ZNF831: variants seen among roughly 807,000 people sequenced by gnomAD.
ZNF831 encodes the protein zinc finger protein 831.
A neutral mutation model predicts 95.8 loss-of-function variants in ZNF831; 59 were observed. The ratio of observed to expected loss-of-function variants is 0.62; its 90% CI spans 0.50 to 0.77. The LOEUF (loss-of-function observed/expected upper bound fraction) is 0.77, where lower values mean the gene tolerates loss of function less well. ZNF831 is among the 30% of genes least tolerant of loss of function. ZNF831 has a pLI of 0.00. For synonymous variants in ZNF831, 961 were observed against 925.5 expected, an observed-to-expected ratio of 1.04 and a Z score of -0.70; for missense variants, 2,205 against 2,164.0, an observed-to-expected ratio of 1.02 and a Z score of -0.38.
At chr20:59,200,661 C>A (rs1055850495) in intron 3 of ZNF831, among the ~76,000 whole-genome samples, 5 of 152,152 alleles carry the variant, frequency 3.3e-5, no homozygotes, top group Non-Finnish European at 7.4e-5. Flanking sequence ...CCCCAGGTAA[C>A]CGCTGATGTG....
At chr20:59,138,304 C>A (rs1029676081) in intron 1 of ZNF831, among the ~76,000 whole-genome samples, 2 of 152,144 alleles carry the variant, frequency 1.3e-5, no homozygotes, top group Non-Finnish European at 2.9e-5. Context: ...TGGGGCATGA[C>A]TGGGCTTTAG....
chr20:59,153,042 T>C (rs1028888523), intron 2 of ZNF831, among the ~76,000 whole-genome samples: 80 of 152,170 alleles, frequency 5.3e-4, no homozygotes, highest in African/African-American at 1.8e-3. Context: ...GGGAGGAAAC[T>C]GGACTTTGGC....
At chr20:59,187,252 C>T (rs1601355732) in intron 1 of ZNF831, among the ~76,000 whole-genome samples, 1 of 152,182 alleles carries the variant, frequency 6.6e-6, no homozygotes, top group Non-Finnish European at 1.5e-5. Context: ...AAAATCCTCA[C>T]TCCCCATGTG....
intron 4 of ZNF831, among the ~76,000 whole-genome samples, chr20:59,242,860 C>T (rs1204614182): frequency 1.3e-5 from 2 of 152,160 alleles, no homozygotes; most frequent in East Asian, 1.9e-4. Flanking sequence ...GGCATTTTAG[C>T]GATTCCTCAG....
Position 59,202,789 on chromosome 20 carries a change from T to C in ZNF831, c.3876-4116T>C, listed in dbSNP as rs558444182. ...AATAGGAAGGTCATCCTCATCTGGT[T>C]TGGCAGATTCCTCAAAGTGAAAGCA... On this transcript the variant is annotated intron_variant, in intron 3 of 5. Transcript: ENST00000371030. 3.2e-4 allele frequency among the ~76,000 whole-genome samples: 49 copies of C among 152,342 alleles called. No homozygotes were observed. The South Asian group carries it at 9.7e-3, about 30-fold the overall frequency.
At chr20:59,214,779 G>T (rs944006570) in intron 4 of ZNF831, among the ~76,000 whole-genome samples, 3 of 152,228 alleles carry the variant, frequency 2.0e-5, no homozygotes, top group African/African-American at 7.2e-5. Context: ...TTCTGATGAG[G>T]TCACTGATCT....
Position 59,253,862 on chromosome 20 carries a change from C to CT in ZNF831, c.4189-36_4189-35insT. 16 of 1,070,930 alleles carry CT rather than the reference C, an allele frequency of 1.5e-5. 1 individual carries two copies. In the East Asian group the frequency reaches 1.8e-4, roughly 12 times the overall value. 66.3% of individuals were successfully genotyped at this position (1,070,930 alleles called of 1,614,324 possible). A position where few individuals can be genotyped will look rare whatever the true frequency, so the allele number is the denominator to read the frequency against. ...TTTTTCTTTGTACCAATTAACCTCC[C>CT]CCCCCACTTTTTTTTTCCTTTGCAC... On this transcript the variant is annotated intron_variant, in intron 5 of 5. Coordinates refer to ENST00000371030, the MANE Select transcript of ZNF831 (RefSeq NM_178457.3).
chr20:59,218,319 C>T (rs1319774817), intron 4 of ZNF831, among the ~76,000 whole-genome samples: 1 of 152,088 alleles, frequency 6.6e-6, no homozygotes, highest in Admixed American at 6.5e-5. Flanking sequence ...AAACAGATTC[C>T]CTGGTTATCT....
intron 2 of ZNF831, among the ~76,000 whole-genome samples, chr20:59,154,267 A>G (rs1980408830): frequency 6.6e-6 from 1 of 152,142 alleles, no homozygotes; most frequent in African/African-American, 2.4e-5. Context: ...TGCAGAGACT[A>G]AGTGCTTCTC....
Position 59,166,920 on chromosome 20 carries a change from T to A in ZNF831, c.-37+2713T>A, listed in dbSNP as rs187283155. Among the ~76,000 whole-genome samples the A allele has an allele frequency of 2.4e-4, 36 of 152,330 alleles. No individual in the cohort carries two copies. The East Asian group carries it at 6.6e-3, about 28-fold the overall frequency. On this transcript the variant is annotated intron_variant, in intron 1 of 5. Coordinates refer to ENST00000371030, the MANE Select transcript of ZNF831 (RefSeq NM_178457.3). ...GTACAAGCTTTTGTGTGAACGTAAG[T>A]TTTCATTGTGAAATAAATGCCCAGG...
rs371178819 is a variant in ZNF831, at chr20:59,194,724, C to A, written c.3705C>A (p.Ser1235Arg). Residue 1235 changes from serine (S) to arginine (R), a missense_variant, in exon 2 of 6, where the codon AGC (serine) becomes AGA (arginine). By Grantham distance (110) the Ser-to-Arg change is moderately radical. Transcript: ENST00000371030. The part of the protein sequence containing the change: ...PGSNGGWTWT[S>R]PGEGGPAQMS... The stretch of plus-strand genomic sequence containing the variant: ...GCAATGGAGGATGGACCTGGACAAG[C>A]CCTGGAGAAGGAGGGCCGGCGCAGA... The A allele has an allele frequency of 2.6e-5, 41 of 1,585,410 alleles. No homozygotes were observed. Among genetic ancestry groups the A allele is most frequent in the Non-Finnish European group, 3.4e-5 (40 of 1,168,078 alleles).
At position 59,172,062 on chromosome 20, in the gene ZNF831, G is replaced by C. The variant is rs138586447; in HGVS notation, c.-37+7855G>C. On this transcript the variant is annotated intron_variant, in intron 1 of 5. Coordinates refer to ENST00000371030, the MANE Select transcript of ZNF831 (RefSeq NM_178457.3). ...TGGCTTTCCCTTCAATCAAGGGCCT[G>C]TAGGTCTGCAAACTGCCTTAGTTCT... Among the ~76,000 whole-genome samples the C allele has an allele frequency of 4.6e-5, 7 of 152,286 alleles. No homozygotes were observed. The East Asian group carries it at 1.4e-3, about 29-fold the overall frequency.
chr20:59,249,896 G>A (rs1239462467), intron 4 of ZNF831, among the ~76,000 whole-genome samples: 1 of 151,874 alleles, frequency 6.6e-6, no homozygotes, highest in East Asian at 2.0e-4. Context: ...CTCACAAGGA[G>A]AAACGACTTG....
Position 59,194,167 on chromosome 20 carries a change from G to A in ZNF831, c.3148G>A (p.Glu1050Lys), listed in dbSNP as rs543089092. Residue 1050 changes from glutamate (E) to lysine (K), a missense_variant, in exon 2 of 6, where the codon GAG becomes AAG. Physicochemically the swap from Glu to Lys is moderately conservative, Grantham distance 56. Transcript: ENST00000371030. Reference protein sequence around the residue: ...LPISAPGAPREATSSPPTPTC... With the variant: ...LPISAPGAPRKATSSPPTPTC... ...CATCTCAGCACCAGGGGCTCCCAGG[G>A]AGGCTACCTCCTCCCCGCCCACTCC... 3.3e-5 allele frequency: 53 copies of A among 1,585,372 alleles called. No individual in the cohort carries two copies. In the South Asian group the frequency reaches 5.6e-4, roughly 17 times the overall value.
chr20:59,191,960 C>T lies in ZNF831; in HGVS notation c.941C>T (p.Ala314Val), dbSNP rs1261490865. ...QKSPTAGKPC[A>V]LQRQQATAAE... Reference sequence around the variant, plus strand: ...TCGCCGACCGCCGGGAAGCCGTGCGCCCTGCAGCGGCAGCAGGCGACGGCA... The same window carrying T: ...TCGCCGACCGCCGGGAAGCCGTGCGTCCTGCAGCGGCAGCAGGCGACGGCA... The change falls in exon 2 of 6, where the codon GCC becomes GTC. Residue 314 changes from alanine (A) to valine (V), a missense_variant. Physicochemically the swap from Ala to Val is moderately conservative, Grantham distance 64 (BLOSUM62 0). Coordinates refer to ENST00000371030, the MANE Select transcript of ZNF831 (RefSeq NM_178457.3). 5 of 1,607,514 alleles carry T rather than the reference C, an allele frequency of 3.1e-6. No homozygotes were observed. The highest frequency in any genetic ancestry group is 3.4e-6 in the Non-Finnish European group (4 of 1,177,632).
chr20:59,213,771 G>A (rs566177016), intron 4 of ZNF831, among the ~76,000 whole-genome samples: 7 of 152,114 alleles, frequency 4.6e-5, no homozygotes, highest in Non-Finnish European at 7.4e-5. Flanking sequence ...TGGAGTAACC[G>A]CAAAATTCAA....
chr20:59,166,853 C>A (rs1981310425), intron 1 of ZNF831, among the ~76,000 whole-genome samples: 1 of 152,168 alleles, frequency 6.6e-6, no homozygotes, highest in Non-Finnish European at 1.5e-5. Flanking sequence ...TGGGCTGATG[C>A]CAATTTTTGA....
At chr20:59,247,006 T>C (rs1987643995) in intron 4 of ZNF831, among the ~76,000 whole-genome samples, 1 of 152,216 alleles carries the variant, frequency 6.6e-6, no homozygotes, top group African/African-American at 2.4e-5. Context: ...TCTTCCATCA[T>C]TTTTAGCCAT....
rs763054444 is a variant in ZNF831, at chr20:59,192,358, A to G, written c.1339A>G (p.Thr447Ala). ...QGSIDLPTPY[T>A]YKDSFHFDIR... ...CAGCATCGACCTGCCCACGCCCTAC[A>G]CCTACAAGGACTCCTTCCACTTTGA... Residue 447 changes from threonine (T) to alanine (A), a missense_variant, in exon 2 of 6, where the codon ACC (threonine) becomes GCC (alanine). Physicochemically the swap from Thr to Ala is moderately conservative, Grantham distance 58. Transcript: ENST00000371030. This position sits in a 1 kb window ranked among gnomAD's most constrained non-coding sequence, Gnocchi z 5.2. 3.7e-6 allele frequency: 6 copies of G among 1,610,718 alleles called. No individual in the cohort carries two copies. The African/African-American group carries it at 6.7e-5, about 18-fold the overall frequency.
Sources: gnomAD v4.1 joint callset for allele counts (sites outside exome capture counted in the v4.1 genomes callset) on GRCh38, gnomAD v4.1.1 for gene constraint, Gnocchi (gnomAD v3.1) non-coding constraint, MANE v1.5 for transcripts, NCBI Gene and HGNC (gene_info 2026-07-23, HGNC 2026-07-21) for gene names.